Variants in MNAT1 observed in about 807,000 individuals in gnomAD.
MNAT1 encodes the protein CDK-activating kinase assembly factor MAT1.
MNAT1 carries 43 observed loss-of-function variants against 42.0 expected under a neutral mutation model. The observed-to-expected ratio is 1.02, with a 90% CI of 0.80 to 1.32. MNAT1 has a LOEUF of 1.32. Ranked by LOEUF, MNAT1 falls within the 40% of genes most tolerant of loss-of-function variation. MNAT1 has a pLI of 0.00. For missense variants in MNAT1, 306 were observed against 350.4 expected (o/e 0.87, Z 1.01); for synonymous variants, 118 against 120.0 (o/e 0.98, Z 0.11).
At chr14:60,895,108 G>T (rs2034924345) in intron 7 of MNAT1, among the ~76,000 whole-genome samples, 1 of 152,132 alleles carries the variant, frequency 6.6e-6, no homozygotes. Flanking sequence ...TTAGAGCCAG[G>T]ATTAGCTCAA....
chr14:60,786,541 A>C (rs920610887), intron 1 of MNAT1, among the ~76,000 whole-genome samples: 1 of 152,150 alleles, frequency 6.6e-6, no homozygotes, highest in South Asian at 2.1e-4. Context: ...CATTTATCAT[A>C]TTAGGAATTA....
intron 1 of MNAT1, among the ~76,000 whole-genome samples, chr14:60,766,816 A>G (rs2030847483): frequency 6.6e-6 from 1 of 152,236 alleles, no homozygotes; most frequent in Non-Finnish European, 1.5e-5. Context: ...GCTTATTAAT[A>G]TAATTTAATT....
chr14:60,891,450 T>C (rs534658124), intron 7 of MNAT1, among the ~76,000 whole-genome samples: 1 of 152,184 alleles, frequency 6.6e-6, no homozygotes, highest in African/African-American at 2.4e-5. Context: ...TTTTCTTGTT[T>C]TGTTTGTTTT....
At chr14:60,957,275 C>T (rs1326442190) in intron 7 of MNAT1, among the ~76,000 whole-genome samples, 1 of 152,106 alleles carries the variant, frequency 6.6e-6, no homozygotes, top group Non-Finnish European at 1.5e-5. Context: ...TTAGTCTGTC[C>T]TCATCCTGCT....
intron 7 of MNAT1, among the ~76,000 whole-genome samples, chr14:60,940,866 A>G (rs1326905643): frequency 6.6e-6 from 1 of 152,174 alleles, no homozygotes; most frequent in Non-Finnish European, 1.5e-5. Flanking sequence ...AAGGGTCAAA[A>G]TTAGAATAGC....
At chr14:60,913,274 T>C (rs138036350) in intron 7 of MNAT1, among the ~76,000 whole-genome samples, 3,568 of 152,324 alleles carry the variant, frequency 0.023, 67 homozygotes, top group South Asian at 0.068. Flanking sequence ...TGGTTTGAAC[T>C]TCCTCCTTTA....
At chr14:60,838,662 C>T (rs2033463375) in intron 6 of MNAT1, among the ~76,000 whole-genome samples, 1 of 152,058 alleles carries the variant, frequency 6.6e-6, no homozygotes, top group Non-Finnish European at 1.5e-5. Flanking sequence ...GGAGTCCCGC[C>T]CCATTCTGAG....
At chr14:60,936,515 G>A (rs971458471) in intron 7 of MNAT1, among the ~76,000 whole-genome samples, 12 of 151,690 alleles carry the variant, frequency 7.9e-5, no homozygotes, top group Admixed American at 3.9e-4. Context: ...TGAGAATGAT[G>A]GTTTCCAGCT....
At chr14:60,803,225 G>A (rs1005219474) in intron 3 of MNAT1, among the ~76,000 whole-genome samples, 4 of 152,030 alleles carry the variant, frequency 2.6e-5, no homozygotes, top group African/African-American at 7.2e-5. Context: ...GTGAGCCACC[G>A]CACCCAGCGA....
intron 1 of MNAT1, among the ~76,000 whole-genome samples, chr14:60,746,607 T>A (rs1896623710): frequency 6.6e-6 from 1 of 151,588 alleles, no homozygotes; most frequent in Admixed American, 6.6e-5. Flanking sequence ...GCTGTAATTT[T>A]TTTTTCCCAG....
chr14:60,779,514 C>G (rs74385027), intron 1 of MNAT1, among the ~76,000 whole-genome samples: 1 of 152,156 alleles, frequency 6.6e-6, no homozygotes, highest in Non-Finnish European at 1.5e-5. Context: ...TCCGGCTGGG[C>G]GCGGTGGCCC....
intron 1 of MNAT1, among the ~76,000 whole-genome samples, chr14:60,744,235 G>A (rs1896552096): frequency 6.6e-6 from 1 of 152,118 alleles, no homozygotes; most frequent in African/African-American, 2.4e-5. Context: ...AGGTTCAAGT[G>A]ATTCTCCTGC....
intron 7 of MNAT1, among the ~76,000 whole-genome samples, chr14:60,954,030 C>A (rs1288410764): frequency 1.3e-5 from 2 of 151,972 alleles, no homozygotes; most frequent in Non-Finnish European, 2.9e-5. Flanking sequence ...ATATTAGCCC[C>A]TTTCTAGGTT....
At chr14:60,878,754 A>G (rs1265275925) in intron 6 of MNAT1, among the ~76,000 whole-genome samples, 5 of 151,914 alleles carry the variant, frequency 3.3e-5, no homozygotes, top group African/African-American at 1.2e-4. Context: ...CATTGCTTTG[A>G]TTGTTTTTGT....
At chr14:60,797,092 T>C (rs757784377) in intron 2 of MNAT1, among the ~76,000 whole-genome samples, 19 of 152,176 alleles carry the variant, frequency 1.2e-4, no homozygotes, top group Non-Finnish European at 2.2e-4. Flanking sequence ...GGGTTTCCTT[T>C]TATCTGTTAT....
chr14:60,859,397 T>G lies in MNAT1; in HGVS notation c.688-20317T>G, dbSNP rs561167524. ...TTTATAGACATTCACATTACCCAGGTTTTCTGTGCCTTTCCAAGTCCTCAT... is the reference window on the plus strand; with the variant it reads ...TTTATAGACATTCACATTACCCAGGGTTTCTGTGCCTTTCCAAGTCCTCAT... On this transcript the variant is annotated intron_variant, in intron 6 of 7. Transcript: ENST00000261245. 4.6e-5 allele frequency among the ~76,000 whole-genome samples: 7 copies of G among 152,286 alleles called. No homozygotes were observed. In the East Asian group the frequency reaches 7.7e-4, roughly 17 times the overall value.
intron 5 of MNAT1, among the ~76,000 whole-genome samples, chr14:60,815,520 T>G (rs1487926574): frequency 6.6e-6 from 1 of 152,200 alleles, no homozygotes; most frequent in Non-Finnish European, 1.5e-5. Flanking sequence ...CAGCCGCATA[T>G]TCTTTTAGTC....
chr14:60,810,109 A>G (rs2032497363), intron 4 of MNAT1, among the ~76,000 whole-genome samples: 1 of 152,012 alleles, frequency 6.6e-6, no homozygotes, highest in African/African-American at 2.4e-5. Context: ...TTTCTTCTAG[A>G]TTAACTGAAG....
intron 3 of MNAT1, among the ~76,000 whole-genome samples, chr14:60,800,641 C>T (rs1035537657): frequency 3.9e-5 from 6 of 152,102 alleles, no homozygotes; most frequent in Non-Finnish European, 8.8e-5. Flanking sequence ...TGCTCTATGT[C>T]ATTAAGTTAG....
Sources: gnomAD v4.1 joint callset for allele counts (sites outside exome capture counted in the v4.1 genomes callset) on GRCh38, gnomAD v4.1.1 for gene constraint, MANE v1.5 for transcripts, NCBI Gene and HGNC (gene_info 2026-07-23, HGNC 2026-07-21) for gene names.